SH3D19: variants seen among roughly 807,000 people sequenced by gnomAD.
SH3D19 encodes SH3 domain containing 19.
A neutral mutation model predicts 112.1 loss-of-function variants in SH3D19; 58 were observed. That is an observed-to-expected ratio of 0.52 (90% CI 0.42 to 0.64). The LOEUF is 0.64. Among genes scored for constraint, SH3D19 ranks in the 30% least tolerant of loss-of-function variants. SH3D19 has a pLI of 0.00. For synonymous variants in SH3D19, 391 were observed against 448.5 expected (o/e 0.87, Z 1.62); for missense variants, 1,090 against 1,263.4 (o/e 0.86, Z 2.08).
chr4:151,258,273 G>C (rs1048585298), intron 1 of SH3D19, among the ~76,000 whole-genome samples: 25 of 152,200 alleles, frequency 1.6e-4, no homozygotes, highest in African/African-American at 6.0e-4. Context: ...GGGAAAGAGA[G>C]AAAACACTGG....
chr4:151,154,585 C>CT lies in SH3D19; in HGVS notation c.1755+4654dup, dbSNP rs1162378679. Among the ~76,000 whole-genome samples, 8 of 147,712 alleles carry CT rather than the reference C, an allele frequency of 5.4e-5. No homozygotes were observed. The South Asian group carries it at 1.1e-3, about 21-fold the overall frequency. ...TGAGCCACCACACCCGGCCTCTTTT[C>CT]TTTTTTTTTGAGACAGAGGCTTGCT... is the stretch of plus-strand genomic sequence containing the variant. On this transcript the variant is annotated intron_variant, in intron 9 of 19. Transcript: ENST00000604030.
intron 9 of SH3D19, among the ~76,000 whole-genome samples, chr4:151,153,514 T>C (rs1257241430): frequency 6.6e-6 from 1 of 152,188 alleles, no homozygotes; most frequent in African/African-American, 2.4e-5. Flanking sequence ...CCCAAAGTGC[T>C]GTGAATACAG....
chr4:151,234,739 T>G (rs28428831), intron 1 of SH3D19, among the ~76,000 whole-genome samples: 4,012 of 14,270 alleles, frequency 0.28, 599 homozygotes, highest in Middle Eastern at 0.59. Context: ...GTTTGTGTTT[T>G]TTTTTTTTTT....
intron 9 of SH3D19, among the ~76,000 whole-genome samples, chr4:151,150,946 C>T (rs556804386): frequency 6.7e-6 from 1 of 150,192 alleles, no homozygotes; most frequent in East Asian, 1.9e-4. Context: ...GGGAAAAAGC[C>T]CTCACAAAAT....
intron 9 of SH3D19, among the ~76,000 whole-genome samples, chr4:151,150,656 A>G (rs1754892703): frequency 6.6e-6 from 1 of 152,144 alleles, no homozygotes; most frequent in East Asian, 1.9e-4. Context: ...AGAGTTTCGT[A>G]GAAAAGAGGA....
chr4:151,279,748 A>G, intron 1 of SH3D19: 2 of 1,577,874 alleles, frequency 1.3e-6, no homozygotes, highest in Non-Finnish European at 1.7e-6. Context: ...GGGACCAGAG[A>G]AACAGGACTC....
intron 1 of SH3D19, among the ~76,000 whole-genome samples, chr4:151,241,822 A>G (rs1259252080): frequency 6.6e-6 from 1 of 152,042 alleles, no homozygotes; most frequent in Non-Finnish European, 1.5e-5. Context: ...TACTTATAGA[A>G]GTATAAGACT....
rs983294337 is a variant in SH3D19, at chr4:151,228,860, T to TC, written c.113-2775_113-2774insG. ...ATTCTCTGAATTTTTTCTTTTCTTT[T>TC]TTTTTTTCTTTTGAGACAAGGTTTC... On this transcript the variant is annotated intron_variant, in intron 1 of 19. Coordinates refer to ENST00000604030, the MANE Select transcript of SH3D19 (RefSeq NM_001378122.1). Among the ~76,000 whole-genome samples the TC allele has an allele frequency of 1.0e-3, 159 of 151,544 alleles. No individual in the cohort carries two copies. In the Middle Eastern group the frequency reaches 0.017, roughly 16 times the overall value.
intron 7 of SH3D19, chr4:151,166,018 G>A (rs1367404356): frequency 1.8e-5 from 4 of 219,578 alleles, no homozygotes; most frequent in Non-Finnish European, 3.6e-5. Flanking sequence ...CAACTGAGAT[G>A]AGGAGACCAT....
intron 1 of SH3D19, among the ~76,000 whole-genome samples, chr4:151,322,672 T>C (rs1023095228): frequency 3.3e-5 from 5 of 152,186 alleles, no homozygotes; most frequent in African/African-American, 1.2e-4. Flanking sequence ...AAACCCAATT[T>C]TCTTAACATC....
chr4:151,124,079 A>G (rs1252405094), intron 19 of SH3D19, among the ~76,000 whole-genome samples: 1 of 151,554 alleles, frequency 6.6e-6, no homozygotes, highest in African/African-American at 2.4e-5. Context: ...GTCCAAACCT[A>G]CATACCATGT....
At chr4:151,196,088 A>G (rs1172406026) in intron 2 of SH3D19, among the ~76,000 whole-genome samples, 2 of 152,196 alleles carry the variant, frequency 1.3e-5, no homozygotes, top group African/African-American at 4.8e-5. Context: ...GGCAGGGGAC[A>G]CTGCCTGGCA....
chr4:151,310,664 C>T (rs1202638514), intron 1 of SH3D19, among the ~76,000 whole-genome samples: 11 of 151,494 alleles, frequency 7.3e-5, no homozygotes, highest in African/African-American at 1.2e-4. Flanking sequence ...CTCCACCTCC[C>T]GGGTTCAAGT....
chr4:151,252,151 T>C (rs1771466977), intron 1 of SH3D19, among the ~76,000 whole-genome samples: 1 of 152,238 alleles, frequency 6.6e-6, no homozygotes, highest in Non-Finnish European at 1.5e-5. Flanking sequence ...CTTTCTCTTC[T>C]GTGTCATCAA....
intron 9 of SH3D19, among the ~76,000 whole-genome samples, chr4:151,154,115 C>G (rs1379429402): frequency 1.3e-5 from 2 of 150,642 alleles, no homozygotes; most frequent in Non-Finnish European, 2.9e-5. Flanking sequence ...GCGCATGACA[C>G]CACACCCGGC....
chr4:151,205,402 T>C (rs1561339648), intron 2 of SH3D19, among the ~76,000 whole-genome samples: 1 of 152,362 alleles, frequency 6.6e-6, no homozygotes, highest in East Asian at 1.9e-4. Flanking sequence ...CAGTGAATTC[T>C]TGGAGACACA....
In SH3D19 at chr4:151,137,790, T is replaced by C; in HGVS notation, c.2369A>G (p.Tyr790Cys). The C allele has an allele frequency of 6.2e-7, 1 of 1,611,096 alleles. No homozygotes were observed. The highest frequency in any genetic ancestry group is 1.1e-5 in the South Asian group (1 of 90,570). Residue 790 changes from tyrosine (Y) to cysteine (C), a missense_variant, in exon 14 of 20, where the codon TAC (tyrosine) becomes TGC (cysteine). Transcript: ENST00000604030. ...AATCTGGTTTCTACAGTTCCCTCTG[T>C]ACCAATCTGTATCTATCTTCTCCAG... ...YLLEKIDTDW[Y>C]RGNCRNQIGI...
At chr4:151,139,052 T>A (rs10461253) in intron 13 of SH3D19, among the ~76,000 whole-genome samples, 108,200 of 151,946 alleles carry the variant, frequency 0.71, 43,653 homozygotes, top group Non-Finnish European at 0.91. Flanking sequence ...TCTGGACTCC[T>A]GACCTCAGGT....
Position 151,152,516 on chromosome 4 carries a change from C to CTTT in SH3D19, c.1756-2958_1756-2956dup, listed in dbSNP as rs1177292502. 9.3e-4 allele frequency among the ~76,000 whole-genome samples: 118 copies of CTTT among 127,232 alleles called. 1 individual carries two copies. Among genetic ancestry groups the CTTT allele is most frequent in the African/African-American group, 2.5e-3 (79 of 31,616 alleles). The allele number at this position is 127,232 out of a possible 152,430, so 83.5% of individuals were successfully genotyped here. ...CAGTTTTTTGCTATTCTCTCTCTCT[C>CTTT]TTTTTTTTTTTTTTTTTTTCTGAGA... is the stretch of plus-strand genomic sequence containing the variant. On this transcript the variant is annotated intron_variant, in intron 9 of 19. Coordinates refer to ENST00000604030, the MANE Select transcript of SH3D19 (RefSeq NM_001378122.1).
Sources: allele counts gnomAD v4.1 joint callset (sites outside exome capture counted in the v4.1 genomes callset), GRCh38; gene constraint gnomAD v4.1.1; transcripts MANE v1.5; gene names NCBI Gene and HGNC (gene_info 2026-07-23, HGNC 2026-07-21).